Variants in FKRP observed in about 807,000 individuals in gnomAD.
The protein encoded by FKRP is ribitol 5-phosphate transferase FKRP.
In FKRP, 25 loss-of-function variants were observed where a neutral mutation model predicts 30.6. The ratio of observed to expected loss-of-function variants is 0.82; its 90% CI spans 0.60 to 1.14. The LOEUF is 1.14. Among genes scored for constraint, FKRP ranks in the 50% most tolerant of loss-of-function variants. The pLI, the probability that FKRP is intolerant of heterozygous loss-of-function variation, is 0.00. For missense variants in FKRP, 771 were observed against 727.8 expected (o/e 1.06, Z -0.68); for synonymous variants, 358 against 342.5 (o/e 1.05, Z -0.50).
rs1221347765 is a variant in FKRP, at chr19:46,756,534, G to A, written c.1084G>A (p.Asp362Asn). 1 of 1,601,306 alleles carries A rather than the reference G, an allele frequency of 6.2e-7. No individual in the cohort carries two copies. The highest frequency in any genetic ancestry group is 8.5e-7 in the Non-Finnish European group (1 of 1,175,498). Residue 362 changes from aspartate to asparagine, a missense_variant, in exon 4 of 4, where the codon GAC (aspartate) becomes AAC (asparagine). By Grantham distance (23) the Asp-to-Asn change is conservative. Coordinates refer to ENST00000318584, the MANE Select transcript of FKRP (RefSeq NM_024301.5). This position sits in a 1 kb window ranked among gnomAD's most constrained non-coding sequence, Gnocchi z 6.6. Reference protein sequence around the residue: ...RHGDIIPWDYDVDLGIYLEDV... With the variant: ...RHGDIIPWDYNVDLGIYLEDV... ...CGGGGACATCATCCCATGGGACTAC[G>A]ACGTGGACCTGGGCATCTACTTGGA...
Position 46,756,085 on chromosome 19 carries a change from C to A in FKRP, c.635C>A (p.Ala212Glu). ...GCCCGCGACCTCTTCAACCTCTCGG[C>A]GCCCCTGGCCCGGCCGGTGGGCACC... is the stretch of plus-strand genomic sequence containing the variant. ...LRARDLFNLS[A>E]PLARPVGTSL... The change falls in exon 4 of 4, where the codon GCG becomes GAG. Residue 212 changes from alanine (A) to glutamate (E), a missense_variant. Coordinates refer to ENST00000318584, the MANE Select transcript of FKRP (RefSeq NM_024301.5). This position sits in a 1 kb window ranked among gnomAD's most constrained non-coding sequence, Gnocchi z 6.6. 1 of 1,547,600 alleles carries A rather than the reference C, an allele frequency of 6.5e-7. No individual in the cohort carries two copies. The highest frequency in any genetic ancestry group is 8.6e-7 in the Non-Finnish European group (1 of 1,156,286).
upstream of FKRP, chr19:46,746,002 G>A (rs1353522860): frequency 2.2e-5 from 23 of 1,038,034 alleles, no homozygotes; most frequent in African/African-American, 3.4e-5. Flanking sequence ...CCCCTCACTC[G>A]CCCTCCGGGA....
Position 46,756,087 on chromosome 19 carries a change from C to T in FKRP, c.637C>T (p.Pro213Ser), listed in dbSNP as rs1350611153. Residue 213 changes from proline (P) to serine (S), a missense_variant, in exon 4 of 4, where the codon CCC becomes TCC. Coordinates refer to ENST00000318584, the MANE Select transcript of FKRP (RefSeq NM_024301.5). The surrounding 1 kb of genome is among the most constrained non-coding windows in gnomAD (Gnocchi z 6.6). ...RARDLFNLSAPLARPVGTSLF... is the reference protein window; with the variant it reads ...RARDLFNLSASLARPVGTSLF... Reference sequence around the variant, plus strand: ...CCGCGACCTCTTCAACCTCTCGGCGCCCCTGGCCCGGCCGGTGGGCACCAG... The same window carrying T: ...CCGCGACCTCTTCAACCTCTCGGCGTCCCTGGCCCGGCCGGTGGGCACCAG... The T allele has an allele frequency of 7.8e-6, 12 of 1,548,128 alleles. No individual in the cohort carries two copies. The South Asian group carries it at 8.2e-5, about 11-fold the overall frequency.
chr19:46,754,395 T>G (rs1208279197), intron 3 of FKRP: 2 of 143,560 alleles, frequency 1.4e-5, no homozygotes, highest in Non-Finnish European at 3.0e-5. Flanking sequence ...ATTTATTTAT[T>G]TATTTATTTA....
chr19:46,753,129 A>G (rs2054825989), intron 3 of FKRP, among the ~76,000 whole-genome samples: 1 of 146,106 alleles, frequency 6.8e-6, no homozygotes, highest in African/African-American at 2.6e-5. Context: ...GCACCACCGC[A>G]CTCCAGCCTG....
upstream of FKRP, chr19:46,745,830 TCAGTCC>T (rs752325357): frequency 4.1e-5 from 10 of 241,810 alleles, no homozygotes; most frequent in South Asian, 1.1e-4. Flanking sequence ...GCCAGCGTGC[TCAGTCC>T]CAGTCCCAGT....
upstream of FKRP, among the ~76,000 whole-genome samples, chr19:46,745,362 T>C (rs529189909): frequency 6.6e-6 from 1 of 152,230 alleles, no homozygotes; most frequent in African/African-American, 2.4e-5. Context: ...CAAAGAACCC[T>C]TCCCTGCACT....
At chr19:46,753,290 T>A (rs2054829968) in intron 3 of FKRP, among the ~76,000 whole-genome samples, 1 of 89,784 alleles carries the variant, frequency 1.1e-5, no homozygotes, top group East Asian at 2.8e-4. Context: ...ACATCCCGTC[T>A]CTACTAAAAA....
chr19:46,749,443 G>A (rs545480766), intron 3 of FKRP, among the ~76,000 whole-genome samples: 1 of 131,580 alleles, frequency 7.6e-6, no homozygotes, highest in Admixed American at 8.6e-5. Context: ...ATAAGGTCTC[G>A]AGGCCAGGCG....
chr19:46,754,673 C>G (rs1247675754), intron 3 of FKRP, among the ~76,000 whole-genome samples: 1 of 151,938 alleles, frequency 6.6e-6, no homozygotes, highest in Non-Finnish European at 1.5e-5. Flanking sequence ...ATGGTGCCAT[C>G]TCCGCTCACT....
chr19:46,757,107 C>A lies in FKRP; in HGVS notation c.*169C>A. The A allele has an allele frequency of 1.1e-6, 1 of 912,396 alleles. No homozygotes were observed. Among genetic ancestry groups the A allele is most frequent in the Non-Finnish European group, 1.7e-6 (1 of 584,104 alleles). The allele number at this position is 912,396 out of a possible 1,614,324, so 56.5% of individuals were successfully genotyped here. On this transcript the variant is annotated 3_prime_UTR_variant, in exon 4 of 4. Coordinates refer to ENST00000318584, the MANE Select transcript of FKRP (RefSeq NM_024301.5). ...AAGGCTGGCATTGGCAGGAGGAGAG[C>A]ACCAGGACGAGGATGGGAAGCGACC...
Position 46,755,774 on chromosome 19 carries a change from G to C in FKRP, c.324G>C (p.Leu108=). The change falls in exon 4 of 4, where the codon CTG becomes CTC. Residue 108 remains leucine, a synonymous_variant. Transcript: ENST00000318584. ...GTCTGGCGCTGCTCCAGCCCGCCCT[G>C]GACCGGCCAGCCGCAGCCTCGCGCC... ...NVRLALLQPA[L]DRPAAASRPE... The C allele has an allele frequency of 6.5e-7, 1 of 1,531,996 alleles. No homozygotes were observed. Among genetic ancestry groups the C allele is most frequent in the Non-Finnish European group, 8.7e-7 (1 of 1,143,556 alleles). The allele number at this position is 1,531,996 out of a possible 1,614,324, so 94.9% of individuals were successfully genotyped here. A position where few individuals can be genotyped will look rare whatever the true frequency, so the allele number is the denominator to read the frequency against.
At chr19:46,751,706 C>T (rs2054796367) in intron 3 of FKRP, among the ~76,000 whole-genome samples, 1 of 152,100 alleles carries the variant, frequency 6.6e-6, no homozygotes, top group Non-Finnish European at 1.5e-5. Context: ...GCTGGGACTA[C>T]AGGCGCCCGC....
chr19:46,751,857 A>G (rs564025471), intron 3 of FKRP, among the ~76,000 whole-genome samples: 12 of 152,266 alleles, frequency 7.9e-5, no homozygotes, highest in Middle Eastern at 3.4e-3. Context: ...ATGAGCCACC[A>G]TGCCCAGCCC....
At chr19:46,746,116 G>C in intron 1 of FKRP, 26 bp downstream of exon 1, 1 of 1,469,384 alleles carries the variant, frequency 6.8e-7, no homozygotes, top group Non-Finnish European at 9.0e-7. Context: ...GCCGGGCCGG[G>C]TTGGGGGTCG....
chr19:46,746,796 A>T (rs1374995131), intron 1 of FKRP: 1 of 152,082 alleles, frequency 6.6e-6, no homozygotes. Flanking sequence ...TCTCCTGGAC[A>T]ATTACTTTTA....
rs756705086 is a variant in FKRP, at chr19:46,755,987, C to T, written c.537C>T (p.Thr179=). ...LALNVSLREW[T]ARYGAAPAAP... ...TGAACGTCAGCCTGCGAGAGTGGAC[C>T]GCCCGCTATGGCGCAGCCCCCGCCG... The change falls in exon 4 of 4, where the codon ACC becomes ACT. Residue 179 remains threonine, a synonymous_variant. Transcript: ENST00000318584. The T allele has an allele frequency of 6.5e-7, 1 of 1,543,520 alleles. No individual in the cohort carries two copies. Among genetic ancestry groups the T allele is most frequent in the Non-Finnish European group, 8.7e-7 (1 of 1,151,918 alleles).
chr19:46,758,413 T>G lies in FKRP; in HGVS notation c.*1475T>G, dbSNP rs1379031480. On this transcript the variant is annotated 3_prime_UTR_variant, in exon 4 of 4. Transcript: ENST00000318584. Reference sequence around the variant, plus strand: ...CATGTATTCCCAATATGTGTATATTTATTTATAAATATATACAGATACTAT... The same window carrying G: ...CATGTATTCCCAATATGTGTATATTGATTTATAAATATATACAGATACTAT... The G allele has an allele frequency of 4.2e-5, 7 of 167,072 alleles. No individual in the cohort carries two copies. Among genetic ancestry groups the G allele is most frequent in the African/African-American group, 7.2e-5 (3 of 41,446 alleles). The allele number at this position is 167,072 out of a possible 1,614,324, so 10.3% of individuals were successfully genotyped here.
rs753297636 is a variant in FKRP at position 46,756,063 on chromosome 19, C to A, written c.613C>A (p.Arg205Ser). 1 of 1,572,822 alleles carries A rather than the reference C, an allele frequency of 6.4e-7. No homozygotes were observed. Among genetic ancestry groups the A allele is most frequent in the Admixed American group, 1.7e-5 (1 of 57,494 alleles). The change falls in exon 4 of 4, where the codon CGC (arginine) becomes AGC (serine). Residue 205 changes from arginine to serine, a missense_variant. Arg to Ser is a moderately radical substitution (Grantham distance 110, BLOSUM62 -1). Coordinates refer to ENST00000318584, the MANE Select transcript of FKRP (RefSeq NM_024301.5). This position sits in a 1 kb window ranked among gnomAD's most constrained non-coding sequence, Gnocchi z 6.6. ...DGDAVVLLRARDLFNLSAPLA... is the reference protein window; with the variant it reads ...DGDAVVLLRASDLFNLSAPLA... ...AGATGCTGTGGTGCTCCTGCGCGCC[C>A]GCGACCTCTTCAACCTCTCGGCGCC...
Sources: gnomAD v4.1 joint callset for allele counts (sites outside exome capture counted in the v4.1 genomes callset) on GRCh38, gnomAD v4.1.1 for gene constraint, Gnocchi (gnomAD v3.1) non-coding constraint, MANE v1.5 for transcripts, NCBI Gene and HGNC (gene_info 2026-07-23, HGNC 2026-07-21) for gene names.